COL24A1: variants seen among roughly 807,000 people sequenced by gnomAD.
COL24A1 encodes collagen alpha-1(XXIV) chain.
Under a neutral mutation model 253.9 loss-of-function variants are expected in COL24A1, and 224 were observed. That is an observed-to-expected ratio of 0.88 (90% CI 0.79 to 0.99). The LOEUF (loss-of-function observed/expected upper bound fraction) is 0.99, where lower values mean the gene tolerates loss of function less well. Ranked by LOEUF, COL24A1 falls within the 50% of genes least tolerant of loss-of-function variation. The pLI, the probability that COL24A1 is intolerant of heterozygous loss-of-function variation, is 0.00. For missense variants in COL24A1, 2,131 were observed against 2,068.5 expected (o/e 1.03, Z -0.59); for synonymous variants, 685 against 673.7 (o/e 1.02, Z -0.26).
rs117499545 is a variant in COL24A1 at position 85,783,221 on chromosome 1, G to A, written c.4284+275C>T. ...ATTGCTGTATGTTTTTGTTCCTGGC[G>A]TGAGTTAATACATTATCCAGTCTTC... On this transcript the variant is annotated intron_variant, in intron 51 of 59. Coordinates refer to ENST00000370571, the MANE Select transcript of COL24A1 (RefSeq NM_152890.7). Among the ~76,000 whole-genome samples, 330 of 151,746 alleles carry A rather than the reference G, an allele frequency of 2.2e-3. 10 individuals carry two copies. The East Asian group carries it at 0.053, about 24-fold the overall frequency.
chr1:85,856,213 AT>A (rs1272928023), intron 37 of COL24A1, among the ~76,000 whole-genome samples: 1 of 151,398 alleles, frequency 6.6e-6, no homozygotes, highest in Non-Finnish European at 1.5e-5. Context: ...TTCAGCTTTG[AT>A]TTTGGTTATT....
intron 1 of COL24A1, chr1:86,154,453 G>C (rs1653218200): frequency 6.6e-6 from 1 of 152,608 alleles, no homozygotes; most frequent in African/African-American, 2.4e-5. Flanking sequence ...TCCAGAACCT[G>C]CTACTTATCC....
chr1:85,785,175 TA>T (rs1317149938), intron 48 of COL24A1, among the ~76,000 whole-genome samples: 1 of 152,210 alleles, frequency 6.6e-6, no homozygotes, highest in Non-Finnish European at 1.5e-5. Context: ...ATTCCATCAA[TA>T]AAAAATTTCC....
At chr1:85,895,628 T>C (rs544774403) in intron 31 of COL24A1, among the ~76,000 whole-genome samples, 3 of 152,304 alleles carry the variant, frequency 2.0e-5, no homozygotes, top group African/African-American at 7.2e-5. Flanking sequence ...AAAGAACTTA[T>C]ATTCTTTTAG....
At chr1:85,890,725 T>A (rs1208381679) in intron 31 of COL24A1, among the ~76,000 whole-genome samples, 2 of 152,194 alleles carry the variant, frequency 1.3e-5, no homozygotes, top group Non-Finnish European at 2.9e-5. Context: ...AATATTCATA[T>A]AAAGTTTCCT....
chr1:85,852,221 C>T (rs548961448), intron 37 of COL24A1, among the ~76,000 whole-genome samples: 47 of 152,102 alleles, frequency 3.1e-4, no homozygotes, highest in African/African-American at 1.1e-3. Flanking sequence ...ATCTGTAGTG[C>T]ATAATCAATT....
intron 24 of COL24A1, among the ~76,000 whole-genome samples, chr1:85,926,086 A>T (rs1687176056): frequency 6.6e-6 from 1 of 152,256 alleles, no homozygotes; most frequent in Non-Finnish European, 1.5e-5. Context: ...GCTCATCATC[A>T]CTGGCCATCA....
intron 47 of COL24A1, among the ~76,000 whole-genome samples, chr1:85,791,116 A>G (rs192016343): frequency 2.6e-5 from 4 of 152,266 alleles, no homozygotes; most frequent in African/African-American, 9.6e-5. Flanking sequence ...AATGTTGAGG[A>G]CACTGGTACA....
At chr1:85,972,469 T>C (rs969745954) in intron 20 of COL24A1, among the ~76,000 whole-genome samples, 11 of 152,322 alleles carry the variant, frequency 7.2e-5, no homozygotes, top group Admixed American at 4.6e-4. Flanking sequence ...ACTGTATTAC[T>C]TTAGACAATA....
chr1:86,063,355 C>CTGTGTGTGTGTGTGTG (rs1210005367), intron 8 of COL24A1, among the ~76,000 whole-genome samples: 3 of 129,370 alleles, frequency 2.3e-5, no homozygotes, highest in African/African-American at 8.5e-5. Flanking sequence ...TTAAGTCTCT[C>CTGTGTGTGTGTGTGTG]TCTCTGTGTG....
intron 10 of COL24A1, among the ~76,000 whole-genome samples, chr1:86,055,943 C>T (rs535720936): frequency 3.3e-5 from 5 of 151,898 alleles, no homozygotes; most frequent in Admixed American, 2.6e-4. Flanking sequence ...CAATATGAAT[C>T]CCCATCTCTA....
chr1:85,824,640 T>C (rs1293728324), intron 43 of COL24A1, among the ~76,000 whole-genome samples: 1 of 152,066 alleles, frequency 6.6e-6, no homozygotes, highest in African/African-American at 2.4e-5. Flanking sequence ...TCACCTTAGT[T>C]CTCCTAAGAA....
intron 19 of COL24A1, among the ~76,000 whole-genome samples, chr1:85,995,376 T>C (rs1395261101): frequency 6.6e-6 from 1 of 152,194 alleles, no homozygotes; most frequent in Non-Finnish European, 1.5e-5. Flanking sequence ...ACAAGCGATC[T>C]GTGCCCAGAT....
At chr1:86,052,789 C>G (rs930949024) in intron 10 of COL24A1, among the ~76,000 whole-genome samples, 18 of 152,100 alleles carry the variant, frequency 1.2e-4, no homozygotes, top group African/African-American at 4.1e-4. Flanking sequence ...ATAAATGTCT[C>G]AAGAATCATA....
At chr1:86,003,809 A>C (rs976691931) in intron 19 of COL24A1, among the ~76,000 whole-genome samples, 8 of 152,124 alleles carry the variant, frequency 5.3e-5, no homozygotes. Context: ...GAGATCTGAG[A>C]CAGAGTCACA....
At chr1:85,799,240 AAAG>A (rs145889241) in intron 47 of COL24A1, among the ~76,000 whole-genome samples, 3 of 150,050 alleles carry the variant, frequency 2.0e-5, no homozygotes, top group African/African-American at 2.4e-5. Context: ...AGAAAGAAAG[AAAG>A]AAAGAAAAGA....
chr1:85,732,821 G>C (rs1663640765), intron 59 of COL24A1, among the ~76,000 whole-genome samples: 1 of 152,052 alleles, frequency 6.6e-6, no homozygotes, highest in Non-Finnish European at 1.5e-5. Context: ...GTAATGCATG[G>C]TCACTTAACA....
chr1:85,795,596 T>C (rs1394231402), intron 47 of COL24A1, among the ~76,000 whole-genome samples: 7 of 152,118 alleles, frequency 4.6e-5, no homozygotes, highest in Admixed American at 4.6e-4. Context: ...GAACTTCATA[T>C]TGGTTGATAT....
intron 3 of COL24A1, among the ~76,000 whole-genome samples, chr1:86,117,007 T>G (rs950910597): frequency 6.6e-6 from 1 of 152,166 alleles, no homozygotes; most frequent in Non-Finnish European, 1.5e-5. Context: ...AATTAAAAAT[T>G]TAGCAGCTGT....
Sources: allele counts gnomAD v4.1 joint callset (sites outside exome capture counted in the v4.1 genomes callset), GRCh38; gene constraint gnomAD v4.1.1; transcripts MANE v1.5; gene names NCBI Gene and HGNC (gene_info 2026-07-23, HGNC 2026-07-21).